CHN2: variants seen among roughly 807,000 people sequenced by gnomAD.
CHN2 encodes the protein chimerin 2, also known as beta-chimaerin.
Under a neutral mutation model 56.3 loss-of-function variants are expected in CHN2, and 35 were observed. That is an observed-to-expected ratio of 0.62 (90% CI 0.47 to 0.82). CHN2 has a LOEUF of 0.82. Ranked by LOEUF, CHN2 falls within the 40% of genes least tolerant of loss-of-function variation. The pLI, the probability that CHN2 is intolerant of heterozygous loss-of-function variation, is 0.00. For synonymous variants in CHN2, 210 were observed against 212.8 expected, an observed-to-expected ratio of 0.99 and a Z score of 0.12; for missense variants, 491 against 580.5, an observed-to-expected ratio of 0.85 and a Z score of 1.58.
intron 6 of CHN2, chr7:29,479,952 C>T: frequency 1.4e-6 from 2 of 1,447,018 alleles, no homozygotes; most frequent in South Asian, 3.0e-5. Flanking sequence ...CTCCATCACT[C>T]AAACTGGGCC....
At chr7:29,481,637 T>C (rs569366845) in intron 7 of CHN2, among the ~76,000 whole-genome samples, 1 of 150,528 alleles carries the variant, frequency 6.6e-6, no homozygotes, top group Non-Finnish European at 1.5e-5. Context: ...CAGGTCTAAT[T>C]TGGAGCATTA....
intron 1 of CHN2, among the ~76,000 whole-genome samples, chr7:29,327,412 G>A (rs962365088): frequency 1.3e-5 from 2 of 152,188 alleles, no homozygotes; most frequent in African/African-American, 4.8e-5. Context: ...CAGCTTCAGG[G>A]ACTTCGGTTT....
intron 10 of CHN2, among the ~76,000 whole-genome samples, chr7:29,505,606 C>T (rs1450043363): frequency 6.6e-6 from 1 of 152,202 alleles, no homozygotes; most frequent in Non-Finnish European, 1.5e-5. Context: ...AATGTATTCA[C>T]CTCTCTGCCT....
chr7:29,401,035 G>A (rs749541797), intron 6 of CHN2: 14 of 564,654 alleles, frequency 2.5e-5, no homozygotes, highest in South Asian at 1.7e-4. Flanking sequence ...TTGGGAGGCC[G>A]AGGCAGGTGG....
intron 1 of CHN2, among the ~76,000 whole-genome samples, chr7:29,204,625 C>G (rs1437866051): frequency 1.3e-5 from 2 of 152,072 alleles, no homozygotes; most frequent in African/African-American, 4.8e-5. Flanking sequence ...CTGGTTAGCT[C>G]TAGCCAAATA....
At chr7:29,498,073 A>T (rs10267423) in intron 8 of CHN2, among the ~76,000 whole-genome samples, 3,409 of 152,322 alleles carry the variant, frequency 0.022, 120 homozygotes, top group African/African-American at 0.078. Flanking sequence ...TTAACAAAAA[A>T]ATTTAAATGA....
chr7:29,301,398 G>T (rs1793649393), intron 1 of CHN2, among the ~76,000 whole-genome samples: 2 of 146,364 alleles, frequency 1.4e-5, no homozygotes, highest in Non-Finnish European at 3.0e-5. Flanking sequence ...CAGTTTTTTG[G>T]ATTCATCTGG....
intron 2 of CHN2, among the ~76,000 whole-genome samples, chr7:29,155,254 T>C (rs992491297): frequency 6.6e-6 from 1 of 152,180 alleles, no homozygotes; most frequent in African/African-American, 2.4e-5. Context: ...GGTTGCACCA[T>C]TTCAGGGAAA....
At chr7:29,349,337 A>G (rs1000953151) in intron 1 of CHN2, among the ~76,000 whole-genome samples, 6 of 152,194 alleles carry the variant, frequency 3.9e-5, no homozygotes, top group Non-Finnish European at 8.8e-5. Flanking sequence ...GCTCATGACA[A>G]TGCTGTATGT....
At chr7:29,394,115 G>T (rs536298240) in intron 4 of CHN2, among the ~76,000 whole-genome samples, 1 of 152,104 alleles carries the variant, frequency 6.6e-6, no homozygotes, top group African/African-American at 2.4e-5. Context: ...CCTCGGTGCG[G>T]TGGTCAGGAT....
At chr7:29,162,170 C>A (rs573983161) in intron 2 of CHN2, among the ~76,000 whole-genome samples, 1 of 152,314 alleles carries the variant, frequency 6.6e-6, no homozygotes, top group South Asian at 2.1e-4. Context: ...TACCTCTGGG[C>A]ATTTATCCTA....
At chr7:29,471,469 A>C (rs1786027523) in intron 6 of CHN2, among the ~76,000 whole-genome samples, 1 of 152,208 alleles carries the variant, frequency 6.6e-6, no homozygotes, top group Admixed American at 6.5e-5. Context: ...ACGATCAGCC[A>C]ACCCAGGAAG....
intron 4 of CHN2, chr7:29,397,818 T>C (rs1801877321): frequency 6.6e-6 from 1 of 152,220 alleles, no homozygotes; most frequent in Non-Finnish European, 1.5e-5. Flanking sequence ...AAAAGAAAAA[T>C]AGGTACATTT....
intron 1 of CHN2, chr7:29,199,601 A>T (rs1041764214): frequency 6.6e-6 from 1 of 152,214 alleles, no homozygotes. Flanking sequence ...GAGAGAAATT[A>T]TTTACTCAGA....
At chr7:29,228,168 ACACACACAC>A (rs1235902084) in intron 1 of CHN2, among the ~76,000 whole-genome samples, 2 of 150,922 alleles carry the variant, frequency 1.3e-5, no homozygotes, top group Non-Finnish European at 2.9e-5. Context: ...ATACACACAC[ACACACACAC>A]GTGTGTGTGT....
intron 1 of CHN2, chr7:29,213,115 G>C: frequency 1.3e-6 from 2 of 1,590,334 alleles, no homozygotes; most frequent in Non-Finnish European, 1.7e-6. Context: ...TGCAGGGGAA[G>C]GCCTTAATGT....
At chr7:29,511,922 G>A (rs1454460418) in intron 12 of CHN2, among the ~76,000 whole-genome samples, 1 of 152,154 alleles carries the variant, frequency 6.6e-6, no homozygotes, top group Non-Finnish European at 1.5e-5. Context: ...GTTCTTACCT[G>A]GATGTCGAAA....
intron 3 of CHN2, among the ~76,000 whole-genome samples, chr7:29,387,597 C>T (rs1000305320): frequency 6.6e-6 from 1 of 152,150 alleles, no homozygotes; most frequent in Non-Finnish European, 1.5e-5. Context: ...TAGCAAATTC[C>T]AAGATGATGC....
chr7:29,407,808 A>T (rs1802799062), intron 6 of CHN2, among the ~76,000 whole-genome samples: 1 of 152,190 alleles, frequency 6.6e-6, no homozygotes, highest in Non-Finnish European at 1.5e-5. Flanking sequence ...TTTGGGATTT[A>T]TCACTCAGTC....
Sources: gnomAD v4.1 joint callset for allele counts (sites outside exome capture counted in the v4.1 genomes callset) on GRCh38, gnomAD v4.1.1 for gene constraint, MANE v1.5 for transcripts, NCBI Gene and HGNC (gene_info 2026-07-23, HGNC 2026-07-21) for gene names.